Variants in NEK10 observed in about 807,000 individuals in gnomAD.
NEK10 encodes the protein NIMA related kinase 10.
NEK10 carries 122 observed loss-of-function variants against 159.8 expected under a neutral mutation model. The ratio of observed to expected loss-of-function variants is 0.76; its 90% CI spans 0.66 to 0.89. The LOEUF is 0.89. Ranked by LOEUF, NEK10 falls within the 40% of genes least tolerant of loss-of-function variation. The pLI, the probability that NEK10 is intolerant of heterozygous loss-of-function variation, is 0.00. For missense variants in NEK10, 1,342 were observed against 1,323.1 expected, an observed-to-expected ratio of 1.01 and a Z score of -0.22; for synonymous variants, 466 against 457.1, an observed-to-expected ratio of 1.02 and a Z score of -0.25.
chr3:27,214,810 C>T, intron 23 of NEK10: 2 of 1,040,050 alleles, frequency 1.9e-6, no homozygotes, highest in Non-Finnish European at 3.0e-6. Context: ...TGCTCTTTGA[C>T]ATATTTTCCG....
chr3:27,356,278 A>T (rs931123569), intron 1 of NEK10, among the ~76,000 whole-genome samples: 1 of 152,168 alleles, frequency 6.6e-6, no homozygotes, highest in African/African-American at 2.4e-5. Context: ...TCAGAGGCTG[A>T]AGTGGGAGGA....
At chr3:27,301,618 C>G (rs959079017) in intron 13 of NEK10, 78 bp downstream of exon 13, 3 of 1,195,316 alleles carry the variant, frequency 2.5e-6, no homozygotes, top group Admixed American at 2.1e-5. Context: ...CTACTTAACA[C>G]TACTACACTA....
intron 23 of NEK10, among the ~76,000 whole-genome samples, chr3:27,230,042 A>G (rs528672069): frequency 7.2e-5 from 11 of 152,230 alleles, no homozygotes; most frequent in African/African-American, 2.6e-4. Flanking sequence ...TAATTACAAA[A>G]AGATCATCAC....
At chr3:27,270,832 C>A (rs2041277632) in intron 22 of NEK10, among the ~76,000 whole-genome samples, 1 of 152,230 alleles carries the variant, frequency 6.6e-6, no homozygotes, top group African/African-American at 2.4e-5. Context: ...GTCTACACGA[C>A]CATACATGAT....
At chr3:27,138,130 A>C (rs1056443670) in intron 31 of NEK10, among the ~76,000 whole-genome samples, 1 of 152,184 alleles carries the variant, frequency 6.6e-6, no homozygotes, top group African/African-American at 2.4e-5. Context: ...CAAACAGCAC[A>C]TGTGGGACCC....
At chr3:27,114,422 C>T (rs1413090682) in intron 35 of NEK10, among the ~76,000 whole-genome samples, 1 of 152,150 alleles carries the variant, frequency 6.6e-6, no homozygotes, top group Non-Finnish European at 1.5e-5. Context: ...TGTTCCTCTG[C>T]AGTTACAAAT....
intron 31 of NEK10, among the ~76,000 whole-genome samples, chr3:27,140,028 A>C (rs2125570964): frequency 6.6e-6 from 1 of 152,274 alleles, no homozygotes; most frequent in African/African-American, 2.4e-5. Flanking sequence ...ACTAATAGCA[A>C]ACTGAGAGCA....
At chr3:27,119,980 T>C in intron 32 of NEK10, 112 bp from the exon 33 acceptor site, 1 of 711,650 alleles carries the variant, frequency 1.4e-6, no homozygotes, top group Admixed American at 2.4e-5. Flanking sequence ...AAATTTAGTG[T>C]TCTGTGGTTT....
Position 27,111,256 on chromosome 3 carries a change from T to A in NEK10, c.*16A>T. On this transcript the variant is annotated 3_prime_UTR_variant, in exon 36 of 36. Transcript: ENST00000691995. ...ACTTCACTGAGAAAATCAAGTCCACTCAAAATGCAGCATTTTCATCTTTTG... is the reference window on the plus strand; with the variant it reads ...ACTTCACTGAGAAAATCAAGTCCACACAAAATGCAGCATTTTCATCTTTTG... The A allele has an allele frequency of 6.2e-7, 1 of 1,607,902 alleles. No individual in the cohort carries two copies. The highest frequency in any genetic ancestry group is 1.1e-5 in the South Asian group (1 of 90,262).
chr3:27,323,604 GA>G (rs10663628), intron 5 of NEK10, among the ~76,000 whole-genome samples: 182 of 150,774 alleles, frequency 1.2e-3, no homozygotes, highest in Admixed American at 3.7e-3. Flanking sequence ...TCAGAGGGGG[GA>G]AAAAAAAACC....
At chr3:27,307,797 T>C (rs1173631898) in intron 11 of NEK10, 62 bp downstream of exon 11, 3 of 796,092 alleles carry the variant, frequency 3.8e-6, no homozygotes, top group Non-Finnish European at 6.7e-6. Context: ...ATAAAAATAA[T>C]AACAAGTGTA....
At chr3:27,315,918 G>A (rs946580166) in intron 6 of NEK10, among the ~76,000 whole-genome samples, 3 of 152,150 alleles carry the variant, frequency 2.0e-5, no homozygotes, top group Non-Finnish European at 2.9e-5. Context: ...AGTAAAGATC[G>A]GGAAGAGGTG....
chr3:27,305,513 G>A (rs185560942), intron 11 of NEK10, among the ~76,000 whole-genome samples: 71 of 151,684 alleles, frequency 4.7e-4, no homozygotes, highest in African/African-American at 1.7e-3. Context: ...GTGACAGAGC[G>A]AGACTCTGTT....
chr3:27,116,272 G>T, intron 33 of NEK10, 145 bp from the exon 34 acceptor site: 2 of 720,436 alleles, frequency 2.8e-6, no homozygotes, highest in East Asian at 2.7e-5. Context: ...CAAAGCATCT[G>T]CCTTGGCTTT....
chr3:27,240,193 T>G (rs1954391511), intron 23 of NEK10, among the ~76,000 whole-genome samples: 1 of 152,168 alleles, frequency 6.6e-6, no homozygotes, highest in Non-Finnish European at 1.5e-5. Flanking sequence ...AGTCATCAAA[T>G]GATTTTCCAG....
At chr3:27,256,889 T>C (rs1439705284) in intron 22 of NEK10, among the ~76,000 whole-genome samples, 2 of 151,506 alleles carry the variant, frequency 1.3e-5, no homozygotes, top group Admixed American at 6.6e-5. Flanking sequence ...CAAAATATCT[T>C]CAGGTACTTC....
At chr3:27,152,180 G>A (rs1490921285) in intron 30 of NEK10, among the ~76,000 whole-genome samples, 1 of 152,080 alleles carries the variant, frequency 6.6e-6, no homozygotes, top group Admixed American at 6.5e-5. Flanking sequence ...TCATCACCTA[G>A]GCACATTGTC....
intron 35 of NEK10, 37 bp from the exon 36 acceptor site, chr3:27,111,357 T>A (rs1939504601): frequency 6.6e-7 from 1 of 1,504,232 alleles, no homozygotes; most frequent in Non-Finnish European, 9.0e-7. Context: ...TCTCTATAGT[T>A]ACAAATATTT....
chr3:27,335,886 C>A (rs879391000), intron 5 of NEK10, among the ~76,000 whole-genome samples: 2 of 151,996 alleles, frequency 1.3e-5, no homozygotes, highest in East Asian at 3.8e-4. Context: ...AAGTTTATAG[C>A]AATAAAATGC....
Sources: gnomAD v4.1 joint callset for allele counts (sites outside exome capture counted in the v4.1 genomes callset) on GRCh38, gnomAD v4.1.1 for gene constraint, MANE v1.5 for transcripts, NCBI Gene and HGNC (gene_info 2026-07-23, HGNC 2026-07-21) for gene names.